LRRC23: variants seen among roughly 807,000 people sequenced by gnomAD.
LRRC23 encodes the protein leucine-rich repeat-containing protein 23.
In LRRC23, 28 loss-of-function variants were observed where a neutral mutation model predicts 37.7. That is an observed-to-expected ratio of 0.74 (90% CI 0.55 to 1.02). The LOEUF is 1.02. LRRC23 is among the 50% of genes least tolerant of loss of function. The pLI, the probability that LRRC23 is intolerant of heterozygous loss-of-function variation, is 0.00. For synonymous variants in LRRC23, 161 were observed against 165.4 expected (o/e 0.97, Z 0.20); for missense variants, 377 against 413.2 (o/e 0.91, Z 0.76).
intron 5 of LRRC23, among the ~76,000 whole-genome samples, chr12:6,908,662 CA>C (rs34377913): frequency 0.43 from 45,247 of 104,450 alleles, 9,233 homozygotes; most frequent in African/African-American, 0.63. Context: ...ACTAAAAATA[CA>C]AAAAAAAAAA....
At chr12:6,907,769 C>T in intron 5 of LRRC23, 1 of 543,484 alleles carries the variant, frequency 1.8e-6, no homozygotes. Flanking sequence ...TCAGCTCTTA[C>T]ACTACCACCA....
intron 6 of LRRC23, among the ~76,000 whole-genome samples, chr12:6,910,961 A>G (rs1423163773): frequency 1.3e-5 from 2 of 152,050 alleles, no homozygotes; most frequent in Non-Finnish European, 2.9e-5. Context: ...TAAGGGGCTC[A>G]CAGTCTGGCT....
At position 6,909,923 on chromosome 12, in the gene LRRC23, G is replaced by A. The variant is rs2138159817; in HGVS notation, c.655G>A (p.Glu219Lys). 1 of 1,613,718 alleles carries A rather than the reference G, an allele frequency of 6.2e-7. No individual in the cohort carries two copies. Among genetic ancestry groups the A allele is most frequent in the Non-Finnish European group, 8.5e-7 (1 of 1,179,832 alleles). The change falls in exon 6 of 8, where the codon GAG becomes AAG. Residue 219 changes from glutamate to lysine, a missense_variant. Physicochemically the swap from Glu to Lys is moderately conservative, Grantham distance 56. Transcript: ENST00000443597. ...QNMLKKVEGL[E>K]DLSNLTTLHL... ...CATGCTGAAGAAGGTGGAAGGCTTG[G>A]AGGATCTGAGCAATCTCACCACCTT...
Position 6,913,014 on chromosome 12 carries a change from A to G in LRRC23, c.*11A>G. 6.2e-7 allele frequency: 1 copy of G among 1,613,160 alleles called. No homozygotes were observed. Among genetic ancestry groups the G allele is most frequent in the Non-Finnish European group, 8.5e-7 (1 of 1,179,410 alleles). On this transcript the variant is annotated 3_prime_UTR_variant, in exon 7 of 8. Transcript: ENST00000443597. ...CAGTCATTGATCTAGCAGCAGTTCT[A>G]GCCTCTAAAGATAGTAAGGAAGCCT...
At chr12:6,909,185 T>C (rs1211975273) in intron 5 of LRRC23, among the ~76,000 whole-genome samples, 2 of 15,864 alleles carry the variant, frequency 1.3e-4, no homozygotes, top group Non-Finnish European at 1.7e-4. Context: ...TATATAATTA[T>C]ATATTATATA....
intron 5 of LRRC23, among the ~76,000 whole-genome samples, chr12:6,909,565 G>A (rs1945107834): frequency 7.1e-6 from 1 of 139,880 alleles, no homozygotes; most frequent in South Asian, 2.2e-4. Context: ...CTTAAGCTTC[G>A]TTATTCTGGG....
chr12:6,907,280 G>A lies in LRRC23; in HGVS notation c.491-35G>A, dbSNP rs782173243. 27 of 1,610,938 alleles carry A rather than the reference G, an allele frequency of 1.7e-5. No individual in the cohort carries two copies. The Admixed American group carries it at 3.5e-4, about 21-fold the overall frequency. On this transcript the variant is annotated intron_variant, in intron 4 of 7. Transcript: ENST00000443597. ...CAGGCTCTAATGCTGAGCATTTGGA[G>A]TGGCCCTTTGAGCTCTTGAAACCCT...
chr12:6,907,733 A>C (rs1591637288), intron 5 of LRRC23: 2 of 575,048 alleles, frequency 3.5e-6, no homozygotes, highest in Non-Finnish European at 6.2e-6. Flanking sequence ...TTTTAGGAAA[A>C]CCCTCCTCTC....
intron 6 of LRRC23, 66 bp downstream of exon 6, chr12:6,910,092 T>C: frequency 1.3e-6 from 2 of 1,486,944 alleles, no homozygotes; most frequent in African/African-American, 1.4e-5. Flanking sequence ...TGAGTCTGTG[T>C]TCTTCCCTGG....
Position 6,906,400 on chromosome 12 carries a change from A to G in LRRC23, c.237-9A>G, listed in dbSNP as rs1188616291. The G allele has an allele frequency of 3.4e-5, 55 of 1,612,000 alleles. No individual in the cohort carries two copies. Among genetic ancestry groups the G allele is most frequent in the Non-Finnish European group, 4.7e-5 (55 of 1,179,154 alleles). On this transcript the variant is annotated splice_polypyrimidine_tract_variant and intron_variant, in intron 3 of 7. Coordinates refer to ENST00000443597, the MANE Select transcript of LRRC23 (RefSeq NM_001135217.2). Reference sequence around the variant, plus strand: ...AAACCTGGTTTCTTCTCCCTCTTCCATCTCCTAGGGACCTGACAGACATCT... The same window carrying G: ...AAACCTGGTTTCTTCTCCCTCTTCCGTCTCCTAGGGACCTGACAGACATCT...
chr12:6,908,596 C>CAAAAAAAAAAAAAAAAAA (rs61662814), intron 5 of LRRC23, among the ~76,000 whole-genome samples: 2 of 31,090 alleles, frequency 6.4e-5, no homozygotes, highest in African/African-American at 2.0e-4. Context: ...GACTCCATCT[C>CAAAAAAAAAAAAAAAAAA]AAAAAAAAAA....
chr12:6,913,974 T>C lies in LRRC23; in HGVS notation c.*108T>C, dbSNP rs781925991. The C allele has an allele frequency of 1.1e-5, 17 of 1,613,406 alleles. No homozygotes were observed. The highest frequency in any genetic ancestry group is 1.4e-5 in the Non-Finnish European group (16 of 1,179,622). On this transcript the variant is annotated 3_prime_UTR_variant, in exon 8 of 8. Transcript: ENST00000443597. ...TATGACAGAGAACAGAGGATGCCTG[T>C]TTTTGCCCCAAAGCTGGAAATTCAT...
chr12:6,914,113 G>T lies in LRRC23; in HGVS notation c.*247G>T. 1 of 1,504,730 alleles carries T rather than the reference G, an allele frequency of 6.6e-7. No individual in the cohort carries two copies. 93.2% of individuals were successfully genotyped at this position (1,504,730 alleles called of 1,614,324 possible). A position where few individuals can be genotyped will look rare whatever the true frequency, so the allele number is the denominator to read the frequency against. The stretch of plus-strand genomic sequence containing the variant: ...GAGCCTAGGCCGGGGGCCGCCCTCG[G>T]GCAGGCGTGGGTGAGAGCCAAGACC... On this transcript the variant is annotated 3_prime_UTR_variant, in exon 8 of 8. Transcript: ENST00000443597. This position sits in a 1 kb window ranked among gnomAD's most constrained non-coding sequence, Gnocchi z 7.1.
chr12:6,913,228 G>A, intron 7 of LRRC23: 1 of 573,580 alleles, frequency 1.7e-6, no homozygotes, highest in Non-Finnish European at 3.1e-6. Context: ...AGACTTAGGA[G>A]GCCAGAAGAG....
At position 6,905,582 on chromosome 12, in the gene LRRC23, CAGG is replaced by C. The variant is rs1944921063; in HGVS notation, c.-44_-42del. The C allele has an allele frequency of 1.3e-5, 21 of 1,596,166 alleles. 1 individual carries two copies. In the African/African-American group the frequency reaches 1.9e-4, roughly 14 times the overall value. Reference sequence around the variant, plus strand: ...CAGAAGCTGATGAGACCTTCTTTTTCAGGAGGAGGACTGAGCTTATCTGACTCC... The same window carrying C: ...CAGAAGCTGATGAGACCTTCTTTTTCAGGAGGACTGAGCTTATCTGACTCC... On this transcript the variant is annotated splice_acceptor_variant and 5_prime_UTR_variant, in exon 2 of 8. Coordinates refer to ENST00000443597, the MANE Select transcript of LRRC23 (RefSeq NM_001135217.2). LOFTEE classifies it low-confidence loss of function (5UTR_SPLICE).
rs539351241 is a variant in LRRC23, at chr12:6,913,036, G to A, written c.*24+9G>A. 6.2e-7 allele frequency: 1 copy of A among 1,608,216 alleles called. No homozygotes were observed. The highest frequency in any genetic ancestry group is 1.7e-5 in the Admixed American group (1 of 59,660). On this transcript the variant is annotated intron_variant, in intron 7 of 7. Coordinates refer to ENST00000443597, the MANE Select transcript of LRRC23 (RefSeq NM_001135217.2). ...TCTAGCCTCTAAAGATAGTAAGGAA[G>A]CCTGCAGGGAGGCAGTGGGAGGAGG...
At chr12:6,907,267 C>T in intron 4 of LRRC23, 48 bp from the exon 5 acceptor site, 8 of 1,606,872 alleles carry the variant, frequency 5.0e-6, no homozygotes, top group South Asian at 1.1e-5. Flanking sequence ...GGCTCTAATG[C>T]TGAGCATTTG....
chr12:6,913,551 GTTTGT>G lies in LRRC23; in HGVS notation c.*25-336_*25-332del, dbSNP rs1352268540. ...TAGGGGAGAGGCTTTATTTACCTCTGTTTGTTTTTTTTTTTTTTTTTTTTTTTTTT... is the reference window on the plus strand; with the variant it reads ...TAGGGGAGAGGCTTTATTTACCTCTGTTTTTTTTTTTTTTTTTTTTTTTTT... On this transcript the variant is annotated intron_variant, in intron 7 of 7. Transcript: ENST00000443597. Among the ~76,000 whole-genome samples the G allele has an allele frequency of 1.8e-4, 14 of 78,172 alleles. 3 individuals carry two copies. In the East Asian group the frequency reaches 2.7e-3, roughly 15 times the overall value. The allele number at this position is 78,172 out of a possible 152,430, so 51.3% of individuals were successfully genotyped here. A position where few individuals can be genotyped will look rare whatever the true frequency, so the allele number is the denominator to read the frequency against.
intron 4 of LRRC23, 44 bp downstream of exon 4, chr12:6,906,706 C>T (rs1591636204): frequency 1.3e-6 from 2 of 1,596,640 alleles, no homozygotes. Flanking sequence ...TCCTTCCTAG[C>T]CTGAGGCCAA....
Sources: allele counts gnomAD v4.1 joint callset (sites outside exome capture counted in the v4.1 genomes callset), GRCh38; gene constraint gnomAD v4.1.1; non-coding constraint Gnocchi (gnomAD v3.1); transcripts MANE v1.5; gene names NCBI Gene and HGNC (gene_info 2026-07-23, HGNC 2026-07-21).